Variants in PDE1C observed in about 807,000 individuals in gnomAD.
PDE1C encodes the protein phosphodiesterase 1C.
A neutral mutation model predicts 93.1 loss-of-function variants in PDE1C; 62 were observed. That is an observed-to-expected ratio of 0.67 (90% CI 0.54 to 0.82). The LOEUF (loss-of-function observed/expected upper bound fraction) is 0.82. Ranked by LOEUF, PDE1C falls within the 40% of genes least tolerant of loss-of-function variation. The probability of loss-of-function intolerance (pLI) is 0.00; values close to 1 mark genes in which losing one functional copy is unlikely to be tolerated. For missense variants in PDE1C, 742 were observed against 884.6 expected (o/e 0.84, Z 2.04); for synonymous variants, 325 against 310.1 (o/e 1.05, Z -0.50).
chr7:32,277,950 T>G (rs1032422610), intron 1 of PDE1C, among the ~76,000 whole-genome samples: 1 of 151,978 alleles, frequency 6.6e-6, no homozygotes, highest in Non-Finnish European at 1.5e-5. Context: ...TGGGAGGAGA[T>G]AGAAGGTGCC....
chr7:31,717,134 T>C, the PDE1C span, among the ~76,000 whole-genome samples: 1 of 152,232 alleles, frequency 6.6e-6, no homozygotes, highest in Non-Finnish European at 1.5e-5. Flanking sequence ...GATCTTCAAG[T>C]TACTCTTGAT....
chr7:32,055,619 A>G (rs967553163), intron 1 of PDE1C, among the ~76,000 whole-genome samples: 10 of 152,226 alleles, frequency 6.6e-5, no homozygotes, highest in Admixed American at 2.0e-4. Context: ...AAATGCAGGA[A>G]ATGAGCTGGA....
At chr7:31,638,452 C>T in the PDE1C span, among the ~76,000 whole-genome samples, 5 of 152,134 alleles carry the variant, frequency 3.3e-5, no homozygotes, top group Middle Eastern at 3.2e-3. Context: ...TTTATAATAA[C>T]AGGTGTTTAT....
intron 2 of PDE1C, among the ~76,000 whole-genome samples, chr7:31,966,927 A>G (rs1810078960): frequency 6.6e-6 from 1 of 152,160 alleles, no homozygotes; most frequent in South Asian, 2.1e-4. Flanking sequence ...CAAAGACACA[A>G]CATACCAGAA....
intron 8 of PDE1C, 107 bp from the exon 9 acceptor site, chr7:31,848,203 A>G (rs1475749508): frequency 8.9e-7 from 1 of 1,119,864 alleles, no homozygotes; most frequent in Non-Finnish European, 1.3e-6. Flanking sequence ...TTTAGAAATT[A>G]TCTTTGTCCC....
At chr7:31,657,940 A>C in the PDE1C span, among the ~76,000 whole-genome samples, 6 of 152,240 alleles carry the variant, frequency 3.9e-5, no homozygotes, top group Non-Finnish European at 8.8e-5. Flanking sequence ...CCTCTTCTAC[A>C]TTAAAGCACA....
intron 1 of PDE1C, among the ~76,000 whole-genome samples, chr7:32,377,236 C>A (rs990113790): frequency 6.6e-6 from 1 of 152,210 alleles, no homozygotes; most frequent in Non-Finnish European, 1.5e-5. Context: ...AGCTGCATCT[C>A]TGGGAAAGAG....
chr7:32,129,520 T>G (rs1799804679), intron 3 of PDE1C, among the ~76,000 whole-genome samples: 5 of 123,840 alleles, frequency 4.0e-5, no homozygotes, highest in African/African-American at 7.8e-5. Flanking sequence ...ATACATAATT[T>G]CAAATTTGTT....
intron 1 of PDE1C, among the ~76,000 whole-genome samples, chr7:32,385,845 C>T (rs1042766669): frequency 6.6e-6 from 1 of 152,062 alleles, no homozygotes; most frequent in Non-Finnish European, 1.5e-5. Context: ...CCTTGTTCAC[C>T]AGGCTAATTA....
intron 16 of PDE1C, among the ~76,000 whole-genome samples, chr7:31,801,901 T>G (rs1012799349): frequency 1.3e-5 from 2 of 151,506 alleles, no homozygotes; most frequent in Admixed American, 6.6e-5. Context: ...TATTTGTATA[T>G]GTTTATGCGA....
intron 1 of PDE1C, among the ~76,000 whole-genome samples, chr7:32,241,994 T>C (rs1000599665): frequency 6.6e-6 from 1 of 152,136 alleles, no homozygotes; most frequent in Non-Finnish European, 1.5e-5. Context: ...CAGCAGAGAA[T>C]GGGAAGAGTG....
chr7:32,303,942 G>A (rs1367581581), upstream of PDE1C, among the ~76,000 whole-genome samples: 1 of 152,174 alleles, frequency 6.6e-6, no homozygotes, highest in Non-Finnish European at 1.5e-5. Context: ...TTAAGAGTTT[G>A]GGGAGAATTT....
intron 2 of PDE1C, among the ~76,000 whole-genome samples, chr7:31,994,288 C>CT (rs1368344341): frequency 1.3e-5 from 2 of 152,098 alleles, no homozygotes; most frequent in African/African-American, 2.4e-5. Context: ...TCAAAACTAC[C>CT]TTTTTGTAAA....
chr7:32,329,151 G>A (rs983784834), intron 1 of PDE1C, among the ~76,000 whole-genome samples: 2 of 152,142 alleles, frequency 1.3e-5, no homozygotes, highest in African/African-American at 4.8e-5. Context: ...AGGACAGCTT[G>A]AGCCCAGGAA....
intron 2 of PDE1C, among the ~76,000 whole-genome samples, chr7:32,170,494 T>G (rs1802576006): frequency 6.6e-6 from 1 of 152,160 alleles, no homozygotes; most frequent in African/African-American, 2.4e-5. Flanking sequence ...GGGCATCAAG[T>G]GGAAGCGGTG....
chr7:32,070,804 TG>T, upstream of PDE1C: 1 of 992,376 alleles, frequency 1.0e-6, no homozygotes, highest in Non-Finnish European at 1.2e-6. Context: ...GAGGGCTGGG[TG>T]GGGAGGAGAG....
intron 1 of PDE1C, among the ~76,000 whole-genome samples, chr7:32,310,988 A>G (rs1369844739): frequency 6.6e-6 from 1 of 152,228 alleles, no homozygotes; most frequent in Non-Finnish European, 1.5e-5. Flanking sequence ...AAGATCAACA[A>G]AATTGATAGA....
chr7:31,997,291 G>A (rs903424310), intron 2 of PDE1C, among the ~76,000 whole-genome samples: 6 of 152,158 alleles, frequency 3.9e-5, no homozygotes, highest in East Asian at 3.9e-4. Flanking sequence ...AGGTTATCAT[G>A]AGGATTAAAT....
At chr7:32,041,783 G>GT (rs970006924) in intron 2 of PDE1C, among the ~76,000 whole-genome samples, 4 of 152,086 alleles carry the variant, frequency 2.6e-5, no homozygotes, top group Admixed American at 6.6e-5. Flanking sequence ...ATAGCTTGTT[G>GT]TTTTTTTGTT....
Sources: allele counts gnomAD v4.1 joint callset (sites outside exome capture counted in the v4.1 genomes callset), GRCh38; gene constraint gnomAD v4.1.1; transcripts MANE v1.5; gene names NCBI Gene and HGNC (gene_info 2026-07-23, HGNC 2026-07-21).